Variants in POLR3B observed in about 807,000 individuals in gnomAD.
POLR3B encodes RNA polymerase III subunit B.
In POLR3B, 96 loss-of-function variants were observed where a neutral mutation model predicts 147.4. The ratio of observed to expected loss-of-function variants is 0.65; its 90% CI spans 0.55 to 0.77. POLR3B has a LOEUF of 0.77. POLR3B is among the 30% of genes least tolerant of loss of function. POLR3B has a pLI of 0.00. For synonymous variants in POLR3B, 461 were observed against 485.9 expected (o/e 0.95, Z 0.67); for missense variants, 1,036 against 1,413.5 (o/e 0.73, Z 4.28).
intron 19 of POLR3B, among the ~76,000 whole-genome samples, chr12:106,447,735 A>G (rs1008874771): frequency 1.3e-5 from 2 of 152,168 alleles, no homozygotes; most frequent in African/African-American, 4.8e-5. Context: ...TTCAGTTACT[A>G]TCAGCTCAAT....
rs77504339 is a variant in POLR3B at position 106,454,975 on chromosome 12, G to GA, written c.2293+272dup. Reference sequence around the variant, plus strand: ...GTTACGTGAGACAATCCTTCAAAAAGAAAAAAAATGTAAGAATGTGTTTGT... The same window carrying GA: ...GTTACGTGAGACAATCCTTCAAAAAGAAAAAAAAATGTAAGAATGTGTTTGT... On this transcript the variant is annotated intron_variant, in intron 20 of 27. Coordinates refer to ENST00000228347, the MANE Select transcript of POLR3B (RefSeq NM_018082.6). 0.059 allele frequency among the ~76,000 whole-genome samples: 8,944 copies of GA among 151,730 alleles called. 355 individuals are homozygous for GA. The highest frequency in any genetic ancestry group is 0.14 in the East Asian group (729 of 5,180).
chr12:106,370,614 GT>G (rs939145316), intron 6 of POLR3B, among the ~76,000 whole-genome samples: 1 of 145,282 alleles, frequency 6.9e-6, no homozygotes, highest in East Asian at 2.0e-4. Context: ...GTTTATCAGT[GT>G]TTTTTTTGTT....
intron 4 of POLR3B, among the ~76,000 whole-genome samples, chr12:106,367,405 G>A (rs7311957): frequency 0.38 from 57,955 of 151,990 alleles, 12,830 homozygotes; most frequent in African/African-American, 0.61. Flanking sequence ...CTACTAATCT[G>A]TAGACCTTAT....
chr12:106,477,855 G>C (rs1189500401), intron 23 of POLR3B, among the ~76,000 whole-genome samples: 5 of 150,488 alleles, frequency 3.3e-5, no homozygotes, highest in Admixed American at 2.6e-4. Flanking sequence ...AGCTGTAGAC[G>C]GGAGCTGTTC....
chr12:106,401,072 C>T (rs1231120781), intron 10 of POLR3B, among the ~76,000 whole-genome samples: 15 of 152,106 alleles, frequency 9.9e-5, no homozygotes, highest in Non-Finnish European at 1.5e-5. Context: ...AATTGATAGA[C>T]TGCTAGCAAG....
chr12:106,452,895 T>C (rs1254720258), intron 19 of POLR3B, among the ~76,000 whole-genome samples: 1 of 152,226 alleles, frequency 6.6e-6, no homozygotes, highest in Non-Finnish European at 1.5e-5. Flanking sequence ...TTAATTTGCT[T>C]GACATTTATT....
chr12:106,433,873 G>T lies in POLR3B; in HGVS notation c.1781+1G>T. On this transcript the variant is annotated splice_donor_variant, in intron 16 of 27. Coordinates refer to ENST00000228347, the MANE Select transcript of POLR3B (RefSeq NM_018082.6). LOFTEE classifies it high-confidence loss of function. ...CTTCTGATGGGGGAAGGCTATGCAGGTATATATGCAGGTTACTAAAAAGAG... is the reference window on the plus strand; with the variant it reads ...CTTCTGATGGGGGAAGGCTATGCAGTTATATATGCAGGTTACTAAAAAGAG... The T allele has an allele frequency of 6.2e-7, 1 of 1,611,530 alleles. No individual in the cohort carries two copies. Among genetic ancestry groups the T allele is most frequent in the Non-Finnish European group, 8.5e-7 (1 of 1,177,946 alleles).
At chr12:106,443,287 A>G (rs1430183988) in intron 18 of POLR3B, among the ~76,000 whole-genome samples, 1 of 152,234 alleles carries the variant, frequency 6.6e-6, no homozygotes, top group African/African-American at 2.4e-5. Context: ...TCATTTCATA[A>G]CATTTACACT....
intron 27 of POLR3B, chr12:106,507,814 A>C (rs1484677268): frequency 2.2e-6 from 1 of 455,898 alleles, no homozygotes; most frequent in East Asian, 7.0e-5. Flanking sequence ...TTCTTTTCTA[A>C]AATAATACAA....
chr12:106,477,585 G>C (rs1041279292), intron 23 of POLR3B, among the ~76,000 whole-genome samples: 5 of 151,954 alleles, frequency 3.3e-5, no homozygotes, highest in African/African-American at 9.7e-5. Context: ...TTTTTAAGCC[G>C]GTCTGAAAAG....
Position 106,410,824 on chromosome 12 carries a change from A to G in POLR3B, c.967-2A>G. On this transcript the variant is annotated splice_acceptor_variant, in intron 11 of 27. Transcript: ENST00000228347. LOFTEE classifies it high-confidence loss of function. The stretch of plus-strand genomic sequence containing the variant: ...AATTTTTCTCCAATTTCTGACTTAC[A>G]GGTTAAGGAATTCAATTTCCGAGCC... 1 of 1,613,710 alleles carries G rather than the reference A, an allele frequency of 6.2e-7. No homozygotes were observed. The highest frequency in any genetic ancestry group is 1.7e-5 in the Admixed American group (1 of 60,006).
intron 23 of POLR3B, among the ~76,000 whole-genome samples, chr12:106,484,887 C>G (rs2038316862): frequency 6.6e-6 from 1 of 152,038 alleles, no homozygotes; most frequent in Non-Finnish European, 1.5e-5. Flanking sequence ...AAAGGCCAGT[C>G]TGGCCAGGCA....
At chr12:106,384,779 A>G (rs2036812108) in intron 9 of POLR3B, among the ~76,000 whole-genome samples, 1 of 151,866 alleles carries the variant, frequency 6.6e-6, no homozygotes. Flanking sequence ...GGCATGAGTT[A>G]TAGTGCTGTT....
At chr12:106,454,266 TTTAGA>T (rs1377007521) in intron 19 of POLR3B, among the ~76,000 whole-genome samples, 2 of 152,202 alleles carry the variant, frequency 1.3e-5, no homozygotes, top group Admixed American at 6.5e-5. Flanking sequence ...GTCTAAATTA[TTTAGA>T]TTAAAATATA....
chr12:106,451,339 A>T (rs945265838), intron 19 of POLR3B, among the ~76,000 whole-genome samples: 4 of 152,080 alleles, frequency 2.6e-5, no homozygotes, highest in Non-Finnish European at 5.9e-5. Context: ...ATTTAAAAGA[A>T]AATTGAGGCC....
chr12:106,498,710 C>T (rs11113014), intron 25 of POLR3B, among the ~76,000 whole-genome samples: 38,894 of 151,966 alleles, frequency 0.26, 6,338 homozygotes, highest in East Asian at 0.68. Flanking sequence ...CTCAGCCTCC[C>T]GAGTAGTTGG....
At chr12:106,368,206 A>T (rs2036558019) in intron 4 of POLR3B, among the ~76,000 whole-genome samples, 1 of 151,586 alleles carries the variant, frequency 6.6e-6, no homozygotes, top group African/African-American at 2.4e-5. Context: ...ACCGTAAGAT[A>T]TGGTTCATCT....
chr12:106,430,170 G>A (rs368852352), intron 13 of POLR3B, 103 bp from the exon 14 acceptor site: 50 of 834,532 alleles, frequency 6.0e-5, no homozygotes, highest in Admixed American at 1.5e-4. Flanking sequence ...TTCTAATTTC[G>A]TAAGCATGAA....
At chr12:106,499,921 C>T (rs888175040) in intron 25 of POLR3B, among the ~76,000 whole-genome samples, 1 of 152,178 alleles carries the variant, frequency 6.6e-6, no homozygotes, top group South Asian at 2.1e-4. Context: ...CCAAGCTTTT[C>T]CTTTGCCTCT....
Sources: allele counts gnomAD v4.1 joint callset (sites outside exome capture counted in the v4.1 genomes callset), GRCh38; gene constraint gnomAD v4.1.1; transcripts MANE v1.5; gene names NCBI Gene and HGNC (gene_info 2026-07-23, HGNC 2026-07-21).